The following CCT4 variants were observed in gnomAD, a reference collection of about 807,000 sequenced individuals.
The protein encoded by CCT4 is T-complex protein 1 subunit delta.
A neutral mutation model predicts 62.5 loss-of-function variants in CCT4; 17 were observed. The observed-to-expected ratio is 0.27, with a 90% CI of 0.19 to 0.41. The LOEUF (loss-of-function observed/expected upper bound fraction) is 0.41, where lower values mean the gene tolerates loss of function less well. Ranked by LOEUF, CCT4 falls within the 10% of genes least tolerant of loss-of-function variation. CCT4 has a pLI of 1.00. For synonymous variants in CCT4, 250 were observed against 229.9 expected, an observed-to-expected ratio of 1.09 and a Z score of -0.79; for missense variants, 592 against 659.2, an observed-to-expected ratio of 0.90 and a Z score of 1.12.
intron 12 of CCT4, among the ~76,000 whole-genome samples, chr2:61,871,835 C>A (rs569009322): frequency 6.6e-6 from 1 of 152,324 alleles, no homozygotes; most frequent in South Asian, 2.1e-4. Context: ...AACTGAGGAA[C>A]AGACTAAGTA....
chr2:61,872,668 C>T lies in CCT4; in HGVS notation c.1126-80G>A, dbSNP rs1668908781. ...CCAGGCCGGGCACGGCGGCTCACGC[C>T]TGTAAACCCAACACTTTGGGAGGAT... On this transcript the variant is annotated intron_variant, in intron 10 of 13. Transcript: ENST00000394440. 7 of 1,453,350 alleles carry T rather than the reference C, an allele frequency of 4.8e-6. No homozygotes were observed. The Admixed American group carries it at 1.1e-4, about 23-fold the overall frequency. The allele number at this position is 1,453,350 out of a possible 1,614,324, so 90.0% of individuals were successfully genotyped here. A position where few individuals can be genotyped will look rare whatever the true frequency, so the allele number is the denominator to read the frequency against.
Position 61,888,385 on chromosome 2 carries a change from G to A in CCT4, c.123C>T (p.Ala41=). The part of the protein sequence containing the change: ...AQIRFSNISA[A]KAVADAIRTS... ...GTCAGGCCATGAGAGTGATACCTTT[G>A]GCGGCGGAAATGTTGCTGAAGCGGA... The change falls in exon 1 of 14, where the codon GCC becomes GCT. Residue 41 remains alanine, a synonymous_variant. Coordinates refer to ENST00000394440, the MANE Select transcript of CCT4 (RefSeq NM_006430.4). 1.2e-6 allele frequency: 2 copies of A among 1,613,126 alleles called. No individual in the cohort carries two copies. Among genetic ancestry groups the A allele is most frequent in the South Asian group, 1.1e-5 (1 of 90,954 alleles).
upstream of CCT4, chr2:61,888,659 G>A (rs1572931608): frequency 7.9e-6 from 7 of 888,680 alleles, no homozygotes; most frequent in East Asian, 8.7e-5. Flanking sequence ...CGGAGAAGGG[G>A]GCCTTCCTTG....
chr2:61,876,013 A>G, intron 8 of CCT4, 82 bp downstream of exon 8: 1 of 853,130 alleles, frequency 1.2e-6, no homozygotes, highest in South Asian at 2.0e-5. Context: ...TGCTTAAATC[A>G]TATATTTTAT....
At chr2:61,873,156 T>TG in intron 9 of CCT4, 41 bp downstream of exon 9, 1 of 1,462,112 alleles carries the variant, frequency 6.8e-7, no homozygotes. Context: ...ATTTATCTAA[T>TG]TATCAGACAT....
rs1340174321 is a variant in CCT4, at chr2:61,872,274, G to C, written c.1299C>G (p.Ala433=). ...AGGGAPEIEL[A]LRLTEYSRTL... Reference sequence around the variant, plus strand: ...TTCGTGAATATTCAGTTAATCGTAGGGCCAACTCTATTTCTGGAGCACCAC... The same window carrying C: ...TTCGTGAATATTCAGTTAATCGTAGCGCCAACTCTATTTCTGGAGCACCAC... The change falls in exon 12 of 14, where the codon GCC becomes GCG. Residue 433 remains alanine, a synonymous_variant. Coordinates refer to ENST00000394440, the MANE Select transcript of CCT4 (RefSeq NM_006430.4). The C allele has an allele frequency of 1.2e-6, 2 of 1,610,168 alleles. No homozygotes were observed. The highest frequency in any genetic ancestry group is 8.5e-7 in the Non-Finnish European group (1 of 1,177,608).
chr2:61,875,276 TC>T (rs1668973980), intron 8 of CCT4, among the ~76,000 whole-genome samples: 1 of 151,352 alleles, frequency 6.6e-6, no homozygotes, highest in Non-Finnish European at 1.5e-5. Flanking sequence ...CTCAAATGTT[TC>T]TATAAAAATT....
chr2:61,871,176 T>A (rs146837896), intron 12 of CCT4, among the ~76,000 whole-genome samples: 9 of 151,736 alleles, frequency 5.9e-5, no homozygotes, highest in Admixed American at 1.3e-4. Context: ...GGATTACAGA[T>A]ATCCGCCACT....
chr2:61,868,486 T>C lies in CCT4; in HGVS notation c.*206A>G. On this transcript the variant is annotated 3_prime_UTR_variant, in exon 14 of 14. Coordinates refer to ENST00000394440, the MANE Select transcript of CCT4 (RefSeq NM_006430.4). Reference sequence around the variant, plus strand: ...CAAAAGTATCAGAAATAACAGAATGTTGGGAGAAGATAAATCTGCCTTTTG... The same window carrying C: ...CAAAAGTATCAGAAATAACAGAATGCTGGGAGAAGATAAATCTGCCTTTTG... 1 of 501,928 alleles carries C rather than the reference T, an allele frequency of 2.0e-6. No homozygotes were observed. Among genetic ancestry groups the C allele is most frequent in the Non-Finnish European group, 3.6e-6 (1 of 281,292 alleles). 31.1% of individuals were successfully genotyped at this position (501,928 alleles called of 1,614,324 possible).
At chr2:61,878,385 T>C (rs1411780875) in intron 5 of CCT4, among the ~76,000 whole-genome samples, 1 of 152,188 alleles carries the variant, frequency 6.6e-6, no homozygotes, top group Non-Finnish European at 1.5e-5. Flanking sequence ...TCTCAGCTGT[T>C]TCTGTTAGCG....
chr2:61,871,785 T>G (rs1180066458), intron 12 of CCT4, among the ~76,000 whole-genome samples: 2 of 152,234 alleles, frequency 1.3e-5, no homozygotes, highest in Non-Finnish European at 2.9e-5. Context: ...AACAGGCCTA[T>G]GAGGGAACTA....
In CCT4 at chr2:61,884,895, G is replaced by A. The variant is rs896270895; in HGVS notation, c.180+125C>T. The A allele has an allele frequency of 2.1e-5, 16 of 748,636 alleles. No individual in the cohort carries two copies. The African/African-American group carries it at 2.6e-4, about 12-fold the overall frequency. 46.4% of individuals were successfully genotyped at this position (748,636 alleles called of 1,614,324 possible). On this transcript the variant is annotated intron_variant, in intron 2 of 13. Coordinates refer to ENST00000394440, the MANE Select transcript of CCT4 (RefSeq NM_006430.4). ...CTCCCCTCACCCTCCCAAAGTGCTGGGATTATAGGTGTGAGCCACCACGCC... is the reference window on the plus strand; with the variant it reads ...CTCCCCTCACCCTCCCAAAGTGCTGAGATTATAGGTGTGAGCCACCACGCC...
Position 61,885,080 on chromosome 2 carries a change from TGGG to T in CCT4, c.128-11_128-9del. ...TAATAGCATCAGCAACCGCTGCAGATGGGGGGGAAAAAAAAGAAAACAAATTAG... is the reference window on the plus strand; with the variant it reads ...TAATAGCATCAGCAACCGCTGCAGATGGGGAAAAAAAAGAAAACAAATTAG... On this transcript the variant is annotated splice_polypyrimidine_tract_variant and intron_variant, in intron 1 of 13. Coordinates refer to ENST00000394440, the MANE Select transcript of CCT4 (RefSeq NM_006430.4). The T allele has an allele frequency of 2.1e-6, 3 of 1,419,892 alleles. No homozygotes were observed. Among genetic ancestry groups the T allele is most frequent in the Non-Finnish European group, 2.8e-6 (3 of 1,080,802 alleles). 88.0% of individuals were successfully genotyped at this position (1,419,892 alleles called of 1,614,324 possible). A position where few individuals can be genotyped will look rare whatever the true frequency, so the allele number is the denominator to read the frequency against.
chr2:61,884,992 A>G, intron 2 of CCT4, 28 bp downstream of exon 2: 1 of 1,534,614 alleles, frequency 6.5e-7, no homozygotes, highest in East Asian at 2.4e-5. Context: ...GTGCTCAATT[A>G]GTAGTATTCA....
chr2:61,879,097 A>C, intron 4 of CCT4, 86 bp from the exon 5 acceptor site: 2 of 937,610 alleles, frequency 2.1e-6, no homozygotes, highest in South Asian at 3.4e-5. Context: ...CTCAATGTCA[A>C]AGCAAGCACA....
intron 3 of CCT4, among the ~76,000 whole-genome samples, chr2:61,880,914 G>C (rs369717195): frequency 2.0e-5 from 3 of 151,886 alleles, no homozygotes; most frequent in Admixed American, 1.3e-4. Flanking sequence ...TTTTAGAGAC[G>C]GGGCCCCATT....
chr2:61,888,290 A>T, intron 1 of CCT4, 91 bp downstream of exon 1: 1 of 1,447,156 alleles, frequency 6.9e-7, no homozygotes, highest in Non-Finnish European at 9.4e-7. Flanking sequence ...TCACCCGAAG[A>T]AATGGGAAAT....
chr2:61,884,467 T>C (rs1669205110), intron 2 of CCT4, among the ~76,000 whole-genome samples: 1 of 151,842 alleles, frequency 6.6e-6, no homozygotes, highest in Admixed American at 6.6e-5. Context: ...CCCGCCACCA[T>C]GCCTGGCTAA....
chr2:61,878,512 A>G (rs970100865), intron 5 of CCT4, among the ~76,000 whole-genome samples: 12 of 152,224 alleles, frequency 7.9e-5, no homozygotes, highest in African/African-American at 2.9e-4. Flanking sequence ...AATGCCCACC[A>G]TATTAAATAT....
Sources: allele counts gnomAD v4.1 joint callset (sites outside exome capture counted in the v4.1 genomes callset), GRCh38; gene constraint gnomAD v4.1.1; transcripts MANE v1.5; gene names NCBI Gene and HGNC (gene_info 2026-07-23, HGNC 2026-07-21).